Variants in PDE4D observed in about 807,000 individuals in gnomAD.
PDE4D encodes 3',5'-cyclic-AMP phosphodiesterase 4D.
PDE4D carries 24 observed loss-of-function variants against 87.4 expected under a neutral mutation model. That is an observed-to-expected ratio of 0.27 (90% confidence interval 0.20 to 0.39). PDE4D has a LOEUF of 0.39. Ranked by LOEUF, PDE4D falls within the 10% of genes least tolerant of loss-of-function variation. PDE4D has a pLI of 1.00. For synonymous variants in PDE4D, 384 were observed against 383.2 expected (o/e 1.00, Z -0.02); for missense variants, 714 against 1,041.0 (o/e 0.69, Z 4.32).
chr5:60,359,598 A>G (rs1049263133), intron 1 of PDE4D, among the ~76,000 whole-genome samples: 2 of 152,200 alleles, frequency 1.3e-5, no homozygotes, highest in Non-Finnish European at 2.9e-5. Flanking sequence ...AAGGGCAACA[A>G]AAAGGAAAAT....
chr5:59,075,115 C>G (rs1765475827), intron 5 of PDE4D, among the ~76,000 whole-genome samples: 3 of 147,386 alleles, frequency 2.0e-5, no homozygotes, highest in Non-Finnish European at 3.0e-5. Context: ...CACACACACA[C>G]ACACACACAA....
intron 3 of PDE4D, among the ~76,000 whole-genome samples, chr5:59,187,860 G>C (rs996541736): frequency 4.6e-5 from 7 of 151,746 alleles, no homozygotes. Context: ...TGACATGTAT[G>C]CTATTGGCAG....
At position 59,177,937 on chromosome 5, in the gene PDE4D, T is replaced by C. The variant is rs1282289906; in HGVS notation, c.808+2658A>G. The stretch of plus-strand genomic sequence containing the variant: ...CCCATTCATCTTAAGGGTGCCTCAC[T>C]GACTCTTTTTAATACTTCTTTGCCC... On this transcript the variant is annotated intron_variant, in intron 5 of 14. Coordinates refer to ENST00000340635, the MANE Select transcript of PDE4D (RefSeq NM_001104631.2). Among the ~76,000 whole-genome samples, 4 of 152,094 alleles carry C rather than the reference T, an allele frequency of 2.6e-5. No individual in the cohort carries two copies. The South Asian group carries it at 8.3e-4, about 32-fold the overall frequency.
rs1027415964 is a variant in PDE4D at position 60,103,995 on chromosome 5, C to A, written c.42+81562G>T. On this transcript the variant is annotated intron_variant, in intron 2 of 16. Transcript: ENST00000502484. ...ACCAGGTTCATCTCACTAGGGAGTG[C>A]CAGACAGTGGGCGCAGGACAGTGGG... Among the ~76,000 whole-genome samples the A allele has an allele frequency of 7.9e-5, 12 of 152,252 alleles. No homozygotes were observed. In the East Asian group the frequency reaches 2.3e-3, roughly 29 times the overall value.
chr5:59,568,420 C>G (rs1043061209), intron 1 of PDE4D, among the ~76,000 whole-genome samples: 1 of 152,112 alleles, frequency 6.6e-6, no homozygotes, highest in Non-Finnish European at 1.5e-5. Context: ...GATTCTCTGC[C>G]TTCAAGGAGA....
intron 1 of PDE4D, among the ~76,000 whole-genome samples, chr5:59,647,440 A>C (rs2150220987): frequency 6.8e-6 from 1 of 146,272 alleles, no homozygotes; most frequent in African/African-American, 2.5e-5. Context: ...TATATTTTTG[A>C]AATTAGGGAT....
At chr5:60,374,483 C>T (rs762579271) in intron 1 of PDE4D, among the ~76,000 whole-genome samples, 4 of 152,120 alleles carry the variant, frequency 2.6e-5, no homozygotes, top group African/African-American at 4.8e-5. Context: ...AGCAAAGCTC[C>T]GAAGAATAAT....
intron 2 of PDE4D, among the ~76,000 whole-genome samples, chr5:60,143,459 T>C (rs1780713573): frequency 6.6e-6 from 1 of 152,180 alleles, no homozygotes; most frequent in African/African-American, 2.4e-5. Context: ...CCAATCTGGA[T>C]TTTATTATTC....
rs190762163 is a variant in PDE4D at position 59,268,983 on chromosome 5, C to T, written c.456-53015G>A. 4.8e-3 allele frequency among the ~76,000 whole-genome samples: 724 copies of T among 152,054 alleles called. 11 individuals are homozygous for T. The highest frequency in any genetic ancestry group is 4.8e-3 in the Non-Finnish European group (329 of 67,972). On this transcript the variant is annotated intron_variant, in intron 1 of 14. Coordinates refer to ENST00000340635, the MANE Select transcript of PDE4D (RefSeq NM_001104631.2). The stretch of plus-strand genomic sequence containing the variant: ...TCATCCCTTCTGATTCAATAGAATT[C>T]ACTACATGATTGGAATGATTGACAG...
chr5:60,038,740 A>G (rs6880894), intron 2 of PDE4D, among the ~76,000 whole-genome samples: 150,617 of 151,296 alleles, frequency 1, 75,001 homozygotes, highest in Middle Eastern at 1. Context: ...AAATTTACAA[A>G]AAAAAAACAA....
At chr5:59,610,524 T>G (rs572129397) in intron 1 of PDE4D, among the ~76,000 whole-genome samples, 88 of 152,322 alleles carry the variant, frequency 5.8e-4, no homozygotes, top group African/African-American at 2.0e-3. Context: ...GATTAATCTA[T>G]TCTCAACTGC....
Position 60,517,574 on chromosome 5 carries a change from G to A in PDE4D, n.70+4477C>T, listed in dbSNP as rs189973848. Among the ~76,000 whole-genome samples, 16 of 152,112 alleles carry A rather than the reference G, an allele frequency of 1.1e-4. No individual in the cohort carries two copies. The East Asian group carries it at 2.9e-3, about 28-fold the overall frequency. On this transcript the variant is annotated intron_variant and non_coding_transcript_variant, in intron 1 of 2. Coordinates refer to the PDE4D transcript ENST00000506510. Reference sequence around the variant, plus strand: ...GGCCTGCAGAGAGGAGCTACCCACTGTAGGTCTTCTCTCTCCTGAGAGCTG... The same window carrying A: ...GGCCTGCAGAGAGGAGCTACCCACTATAGGTCTTCTCTCTCCTGAGAGCTG...
At chr5:60,147,786 G>C in intron 2 of PDE4D, 1 of 456,064 alleles carries the variant, frequency 2.2e-6, no homozygotes, top group South Asian at 1.6e-5. Context: ...CTGACTGTTG[G>C]CTGGAGGCCT....
intron 1 of PDE4D, among the ~76,000 whole-genome samples, chr5:59,680,597 GAACT>G (rs1482866802): frequency 1.3e-5 from 2 of 152,072 alleles, no homozygotes; most frequent in Non-Finnish European, 2.9e-5. Flanking sequence ...TGTGAGAAAA[GAACT>G]AACCAAGTGA....
At chr5:59,399,136 C>T (rs1211698665) in intron 1 of PDE4D, among the ~76,000 whole-genome samples, 2 of 134,738 alleles carry the variant, frequency 1.5e-5, no homozygotes, top group Admixed American at 7.3e-5. Flanking sequence ...GAATCAATAT[C>T]GTGAAAATGG....
At chr5:59,562,534 A>G (rs1481139869) in intron 1 of PDE4D, among the ~76,000 whole-genome samples, 1 of 152,236 alleles carries the variant, frequency 6.6e-6, no homozygotes, top group African/African-American at 2.4e-5. Context: ...GATGTTGTGA[A>G]TGGAAATTCA....
intron 1 of PDE4D, among the ~76,000 whole-genome samples, chr5:59,666,432 A>G (rs1008523147): frequency 3.3e-5 from 5 of 152,342 alleles, no homozygotes; most frequent in African/African-American, 1.2e-4. Flanking sequence ...AAAATCTCCA[A>G]AAGTTTATTT....
At chr5:59,794,052 C>T (rs2152652978) in intron 1 of PDE4D, among the ~76,000 whole-genome samples, 1 of 152,154 alleles carries the variant, frequency 6.6e-6, no homozygotes, top group East Asian at 1.9e-4. Context: ...TGCACAGGCA[C>T]ATGCACACAC....
chr5:60,287,834 T>C (rs545411934), intron 1 of PDE4D, among the ~76,000 whole-genome samples: 1 of 152,320 alleles, frequency 6.6e-6, no homozygotes, highest in South Asian at 2.1e-4. Flanking sequence ...TCCCCTAATA[T>C]TTTATTTGAT....
Sources: allele counts gnomAD v4.1 joint callset (sites outside exome capture counted in the v4.1 genomes callset), GRCh38; gene constraint gnomAD v4.1.1; transcripts MANE v1.5; gene names NCBI Gene and HGNC (gene_info 2026-07-23, HGNC 2026-07-21).